GABRA5: variants seen among roughly 807,000 people sequenced by gnomAD.
GABRA5 encodes gamma-aminobutyric acid type A receptor subunit alpha5.
GABRA5 carries 18 observed loss-of-function variants against 47.3 expected under a neutral mutation model. That is an observed-to-expected ratio of 0.38 (90% CI 0.26 to 0.56). The LOEUF (loss-of-function observed/expected upper bound fraction) is 0.56. Among genes scored for constraint, GABRA5 ranks in the 20% least tolerant of loss-of-function variants. GABRA5 has a pLI of 0.71. For synonymous variants in GABRA5, 237 were observed against 229.3 expected (o/e 1.03, Z -0.30); for missense variants, 365 against 599.3 (o/e 0.61, Z 4.08).
chr15:26,933,092 C>T lies in GABRA5; in HGVS notation c.581-4093C>T, dbSNP rs546318291. Among the ~76,000 whole-genome samples the T allele has an allele frequency of 1.6e-4, 21 of 134,846 alleles. No individual in the cohort carries two copies. In the East Asian group the frequency reaches 4.3e-3, roughly 28 times the overall value. 88.5% of individuals were successfully genotyped at this position (134,846 alleles called of 152,430 possible). On this transcript the variant is annotated intron_variant, in intron 7 of 10. Transcript: ENST00000335625. ...ACAGGCACATCCTGCACATGTATCC[C>T]GGAACTTAAAAAAAAAAAAAAAAGT...
At chr15:26,931,058 G>A (rs1266537363) in intron 7 of GABRA5, among the ~76,000 whole-genome samples, 2 of 151,444 alleles carry the variant, frequency 1.3e-5, no homozygotes, top group African/African-American at 4.9e-5. Flanking sequence ...ACAATGCCCC[G>A]CTAATTTTTG....
chr15:26,872,805 T>C (rs1892504819), intron 3 of GABRA5, among the ~76,000 whole-genome samples: 2 of 152,212 alleles, frequency 1.3e-5, no homozygotes, highest in Non-Finnish European at 2.9e-5. Flanking sequence ...CAAGTCGAAA[T>C]GCAGTGTTTG....
chr15:26,915,256 A>T (rs1277778366), intron 7 of GABRA5, among the ~76,000 whole-genome samples: 2 of 152,086 alleles, frequency 1.3e-5, no homozygotes, highest in Non-Finnish European at 2.9e-5. Context: ...AGCCAGTGAT[A>T]TTTTTTATTG....
chr15:26,871,685 G>A (rs1394064884), intron 3 of GABRA5, among the ~76,000 whole-genome samples: 2 of 152,018 alleles, frequency 1.3e-5, no homozygotes, highest in East Asian at 3.9e-4. Context: ...TTGGGATCAG[G>A]CTGTGCAGTT....
intron 9 of GABRA5, 99 bp downstream of exon 9, chr15:26,940,176 C>A: frequency 3.0e-6 from 3 of 1,015,002 alleles, no homozygotes; most frequent in Non-Finnish European, 4.4e-6. Flanking sequence ...TCTAGTGCTG[C>A]CTCTTTGTTG....
intron 7 of GABRA5, among the ~76,000 whole-genome samples, chr15:26,921,114 T>C (rs550178103): frequency 3.1e-4 from 47 of 152,292 alleles, no homozygotes; most frequent in Admixed American, 5.9e-4. Context: ...TATCTTTTGT[T>C]TTGGTGCCAG....
chr15:26,921,135 G>A (rs973853821), intron 7 of GABRA5, among the ~76,000 whole-genome samples: 3 of 151,840 alleles, frequency 2.0e-5, no homozygotes, highest in African/African-American at 7.3e-5. Flanking sequence ...GGTAATCCTG[G>A]CTTCATAAAG....
chr15:26,884,999 G>A (rs1387313296), intron 6 of GABRA5, among the ~76,000 whole-genome samples: 1 of 152,092 alleles, frequency 6.6e-6, no homozygotes, highest in Non-Finnish European at 1.5e-5. Context: ...ATCTTGTAAA[G>A]AATGTAGTGA....
intron 3 of GABRA5, among the ~76,000 whole-genome samples, chr15:26,869,943 G>A (rs982318813): frequency 1.2e-4 from 19 of 152,120 alleles, no homozygotes; most frequent in African/African-American, 3.4e-4. Flanking sequence ...TTTAGTATCC[G>A]CATACCAACT....
At chr15:26,921,045 G>T (rs905946830) in intron 7 of GABRA5, among the ~76,000 whole-genome samples, 1 of 152,058 alleles carries the variant, frequency 6.6e-6, no homozygotes, top group Non-Finnish European at 1.5e-5. Context: ...ATATATTGTT[G>T]AATTCAATTT....
intron 3 of GABRA5, among the ~76,000 whole-genome samples, chr15:26,874,632 A>G (rs1892549286): frequency 1.3e-5 from 2 of 152,230 alleles, no homozygotes; most frequent in South Asian, 4.1e-4. Context: ...AGCCCAAATA[A>G]ACTCCAACAC....
rs371001870 is a variant in GABRA5 at position 26,937,351 on chromosome 15, G to T, written c.724+23G>T. 433 of 1,579,908 alleles carry T rather than the reference G, an allele frequency of 2.7e-4. 3 individuals are homozygous for T. The South Asian group carries it at 4.8e-3, about 18-fold the overall frequency. On this transcript the variant is annotated intron_variant, in intron 8 of 10. Coordinates refer to ENST00000335625, the MANE Select transcript of GABRA5 (RefSeq NM_000810.4). Reference sequence around the variant, plus strand: ...CAGGTGAGGGCTCGGCACGCGCTGTGCTGCCAGGCGCACTCAGGACACCAC... The same window carrying T: ...CAGGTGAGGGCTCGGCACGCGCTGTTCTGCCAGGCGCACTCAGGACACCAC...
intron 7 of GABRA5, among the ~76,000 whole-genome samples, chr15:26,935,270 C>T (rs528636547): frequency 3.1e-4 from 47 of 152,188 alleles, no homozygotes; most frequent in Non-Finnish European, 5.4e-4. Flanking sequence ...ATCAAGAGGT[C>T]ATTTAATATT....
At chr15:26,925,570 A>G (rs575032682) in intron 7 of GABRA5, among the ~76,000 whole-genome samples, 7 of 152,266 alleles carry the variant, frequency 4.6e-5, no homozygotes, top group African/African-American at 1.7e-4. Flanking sequence ...TCTCTTTTGT[A>G]TTCTTAAGCA....
At chr15:26,885,603 A>G (rs910919853) in intron 6 of GABRA5, among the ~76,000 whole-genome samples, 2 of 152,218 alleles carry the variant, frequency 1.3e-5, no homozygotes, top group Non-Finnish European at 2.9e-5. Context: ...GTGTTTGCCC[A>G]TAGATGGAGA....
intron 6 of GABRA5, among the ~76,000 whole-genome samples, chr15:26,901,918 G>A (rs1343831959): frequency 6.6e-6 from 1 of 152,086 alleles, no homozygotes; most frequent in Non-Finnish European, 1.5e-5. Flanking sequence ...CTCGTCTTCA[G>A]TCTGTGGTCT....
intron 6 of GABRA5, among the ~76,000 whole-genome samples, chr15:26,897,304 C>T (rs1893221126): frequency 6.6e-6 from 1 of 152,058 alleles, no homozygotes; most frequent in Non-Finnish European, 1.5e-5. Context: ...ATAACTGGAT[C>T]CTTATACAAT....
chr15:26,877,680 C>T, intron 3 of GABRA5: 2 of 455,498 alleles, frequency 4.4e-6, no homozygotes, highest in South Asian at 1.6e-5. Context: ...AATGACGCCA[C>T]AACTTGTACT....
chr15:26,937,070 C>A, intron 7 of GABRA5, 115 bp from the exon 8 acceptor site: 1 of 1,331,014 alleles, frequency 7.5e-7, no homozygotes. Context: ...GTCATGGAAC[C>A]TTGACTTTTC....
Sources: allele counts gnomAD v4.1 joint callset (sites outside exome capture counted in the v4.1 genomes callset), GRCh38; gene constraint gnomAD v4.1.1; transcripts MANE v1.5; gene names NCBI Gene and HGNC (gene_info 2026-07-23, HGNC 2026-07-21).